The following PLIN5 variants were observed in gnomAD, a reference collection of about 807,000 sequenced individuals.
PLIN5 encodes perilipin-5.
A neutral mutation model predicts 32.8 loss-of-function variants in PLIN5; 34 were observed. The observed-to-expected ratio is 1.04, with a 90% confidence interval of 0.79 to 1.38. PLIN5 has a LOEUF of 1.38. Among genes scored for constraint, PLIN5 ranks in the 40% most tolerant of loss-of-function variants. PLIN5 has a pLI of 0.00. For missense variants in PLIN5, 712 were observed against 660.5 expected (o/e 1.08, Z -0.85); for synonymous variants, 309 against 292.9 (o/e 1.05, Z -0.56).
At chr19:4,529,604 T>G in intron 4 of PLIN5, 180 bp downstream of exon 4, 2 of 449,350 alleles carry the variant, frequency 4.5e-6, no homozygotes, top group Non-Finnish European at 8.0e-6. Context: ...TATATACATA[T>G]ATGTATACAC....
intron 3 of PLIN5, 73 bp from the exon 4 acceptor site, chr19:4,529,939 A>G (rs552215933): frequency 7.5e-6 from 7 of 939,518 alleles, no homozygotes; most frequent in Middle Eastern, 2.9e-4. Context: ...AGAGTTGTAG[A>G]AGGAGGGAAT....
intron 5 of PLIN5, among the ~76,000 whole-genome samples, chr19:4,527,998 C>T (rs1177222778): frequency 6.6e-6 from 1 of 151,866 alleles, no homozygotes; most frequent in Non-Finnish European, 1.5e-5. Context: ...CAAGCTCCAC[C>T]CCCCGGGTTC....
chr19:4,533,554 G>C (rs1430714912), intron 2 of PLIN5: 1 of 219,188 alleles, frequency 4.6e-6, no homozygotes, highest in Non-Finnish European at 8.9e-6. Context: ...GTGTGAACTT[G>C]GGCAAGCCAC....
At chr19:4,527,722 G>C (rs929373863) in intron 5 of PLIN5, among the ~76,000 whole-genome samples, 2 of 150,706 alleles carry the variant, frequency 1.3e-5, no homozygotes, top group African/African-American at 4.9e-5. Flanking sequence ...GTGGGTGCCT[G>C]TAATCCCAGC....
At chr19:4,533,303 C>G (rs1396515783) in intron 2 of PLIN5, 1 of 152,240 alleles carries the variant, frequency 6.6e-6, no homozygotes, top group Non-Finnish European at 1.5e-5. Context: ...ACCAAGTTAG[C>G]CAGGCTGGTC....
In PLIN5 at chr19:4,529,360, G is replaced by A. The variant is rs766574903; in HGVS notation, c.340-107C>T. ...TCAAAGATCCCTGGACTTCTACCTG[G>A]CTCCGTGCCTCAGTTTCCCCTATAA... On this transcript the variant is annotated intron_variant, in intron 4 of 7. Coordinates refer to ENST00000381848, the MANE Select transcript of PLIN5 (RefSeq NM_001013706.3). The A allele has an allele frequency of 6.8e-5, 86 of 1,261,316 alleles. No individual in the cohort carries two copies. In the Middle Eastern group the frequency reaches 8.3e-4, roughly 12 times the overall value. 78.1% of individuals were successfully genotyped at this position (1,261,316 alleles called of 1,614,324 possible). A position where few individuals can be genotyped will look rare whatever the true frequency, so the allele number is the denominator to read the frequency against.
In PLIN5 at chr19:4,523,921, G is replaced by T; in HGVS notation, c.999C>A (p.Ala333=). The T allele has an allele frequency of 4.6e-6, 7 of 1,528,880 alleles. No individual in the cohort carries two copies. Among genetic ancestry groups the T allele is most frequent in the Non-Finnish European group, 6.1e-6 (7 of 1,146,660 alleles). 94.7% of individuals were successfully genotyped at this position (1,528,880 alleles called of 1,614,324 possible). Reference sequence around the variant, plus strand: ...CCGCTGGCACGTCCCTGAAGCAGCGGGCATCAGCGAAGGCGGTCTGCAGGG... The same window carrying T: ...CCGCTGGCACGTCCCTGAAGCAGCGTGCATCAGCGAAGGCGGTCTGCAGGG... ...VDALQTAFAD[A]RCFRDVPAAA... Residue 333 remains alanine, a synonymous_variant, in exon 8 of 8, where the codon GCC becomes GCA. Coordinates refer to ENST00000381848, the MANE Select transcript of PLIN5 (RefSeq NM_001013706.3). This position sits in a 1 kb window ranked among gnomAD's most constrained non-coding sequence, Gnocchi z 5.0.
intron 5 of PLIN5, 149 bp downstream of exon 5, chr19:4,528,924 G>C: frequency 1.2e-6 from 1 of 824,336 alleles, no homozygotes; most frequent in Non-Finnish European, 1.8e-6. Flanking sequence ...GGAAGTGACC[G>C]GGAGGGAGGA....
In PLIN5 at chr19:4,523,461, C is replaced by T. The variant is rs1976755681; in HGVS notation, c.*67G>A. On this transcript the variant is annotated 3_prime_UTR_variant, in exon 8 of 8. Transcript: ENST00000381848. This position sits in a 1 kb window ranked among gnomAD's most constrained non-coding sequence, Gnocchi z 5.0. ...CCAAGGCCTCGAGCTTACGTGTGGC[C>T]ACCAGGGGGCAGCAGGGATCGGGGT... 11 of 1,481,628 alleles carry T rather than the reference C, an allele frequency of 7.4e-6. No individual in the cohort carries two copies. Among genetic ancestry groups the T allele is most frequent in the Non-Finnish European group, 9.9e-6 (11 of 1,111,456 alleles). 91.8% of individuals were successfully genotyped at this position (1,481,628 alleles called of 1,614,324 possible). A position where few individuals can be genotyped will look rare whatever the true frequency, so the allele number is the denominator to read the frequency against.
At chr19:4,524,841 G>T in intron 7 of PLIN5, 122 bp downstream of exon 7, 2 of 711,344 alleles carry the variant, frequency 2.8e-6, no homozygotes, top group African/African-American at 1.9e-5. Flanking sequence ...CTCAGCACTT[G>T]GTTTGAGATA....
At chr19:4,526,069 C>G (rs1976799756) in intron 5 of PLIN5, among the ~76,000 whole-genome samples, 1 of 152,128 alleles carries the variant, frequency 6.6e-6, no homozygotes, top group Non-Finnish European at 1.5e-5. Flanking sequence ...TGACATCAAC[C>G]CATTTGGTCT....
intron 2 of PLIN5, 50 bp downstream of exon 2, chr19:4,533,965 G>T: frequency 1.3e-6 from 2 of 1,585,948 alleles, no homozygotes; most frequent in East Asian, 2.3e-5. Flanking sequence ...AGAAGGGACT[G>T]TCCCACACAA....
intron 2 of PLIN5, chr19:4,532,903 A>C (rs1462737688): frequency 6.6e-6 from 1 of 152,146 alleles, no homozygotes; most frequent in East Asian, 1.9e-4. Flanking sequence ...TCCTGGCTCA[A>C]GCGATCCTCC....
At chr19:4,534,187 TG>T (rs917133283) in intron 1 of PLIN5, 92 bp from the exon 2 acceptor site, 14 of 1,073,780 alleles carry the variant, frequency 1.3e-5, no homozygotes, top group Non-Finnish European at 1.7e-5. Context: ...TCAAACCTCT[TG>T]GGGCCTCAGT....
chr19:4,533,866 C>T, intron 2 of PLIN5, 149 bp downstream of exon 2: 1 of 868,126 alleles, frequency 1.2e-6, no homozygotes, highest in Non-Finnish European at 1.8e-6. Flanking sequence ...GGAAATAGAC[C>T]ATCCCCTCCA....
rs1250260828 is a variant in PLIN5, at chr19:4,529,856, C to A, written c.267G>T (p.Met89Ile). The stretch of plus-strand genomic sequence containing the variant: ...CCAGGCCCCTGCAGGCGAGGCTGTT[C>A]ATAGTGGCCACTGAAGGGAGAGAGG... ...LEHLQPQLAT[M>I]NSLACRGLDK... Residue 89 changes from methionine (M) to isoleucine (I), a missense_variant, in exon 4 of 8, where the codon ATG (methionine) becomes ATT (isoleucine). Transcript: ENST00000381848. 2.5e-6 allele frequency: 4 copies of A among 1,602,760 alleles called. No individual in the cohort carries two copies. The highest frequency in any genetic ancestry group is 1.1e-5 in the South Asian group (1 of 90,290).
rs764473017 is a variant in PLIN5 at position 4,525,003 on chromosome 19, TC to T, written c.793del (p.Glu265AsnfsTer26). 5.9e-6 allele frequency: 9 copies of T among 1,515,186 alleles called. No homozygotes were observed. The highest frequency in any genetic ancestry group is 4.3e-5 in the Admixed American group (2 of 46,472). The allele number at this position is 1,515,186 out of a possible 1,614,324, so 93.9% of individuals were successfully genotyped here. A position where few individuals can be genotyped will look rare whatever the true frequency, so the allele number is the denominator to read the frequency against. On this transcript the variant is annotated frameshift_variant, in exon 7 of 8. Coordinates refer to ENST00000381848, the MANE Select transcript of PLIN5 (RefSeq NM_001013706.3). LOFTEE classifies it low-confidence loss of function (END_TRUNC). The surrounding 1 kb of genome is among the most constrained non-coding windows in gnomAD (Gnocchi z 5.6). Reference sequence around the variant, plus strand: ...GCTCTCCGGAGGGCGCTGGCCCCATTCCCCCCACAGCTCGTGCACCTTCCCA... The same window carrying T: ...GCTCTCCGGAGGGCGCTGGCCCCATTCCCCCACAGCTCGTGCACCTTCCCA... ...CPGKVHELWG[E>X]WGQRPPESRR... is the part of the protein sequence containing the mutation.
chr19:4,525,492 C>T lies in PLIN5; in HGVS notation c.720+141G>A, dbSNP rs1976788827. On this transcript the variant is annotated intron_variant, in intron 6 of 7. Transcript: ENST00000381848. The surrounding 1 kb of genome is among the most constrained non-coding windows in gnomAD (Gnocchi z 5.6). Reference sequence around the variant, plus strand: ...GCTCCTCCAGGCCCGGGTCCCCCAGCCCTGAACACATGCAGCTGGAGACAG... The same window carrying T: ...GCTCCTCCAGGCCCGGGTCCCCCAGTCCTGAACACATGCAGCTGGAGACAG... The T allele has an allele frequency of 9.4e-7, 1 of 1,059,970 alleles. No homozygotes were observed. The highest frequency in any genetic ancestry group is 2.6e-5 in the East Asian group (1 of 38,444). 65.7% of individuals were successfully genotyped at this position (1,059,970 alleles called of 1,614,324 possible). A position where few individuals can be genotyped will look rare whatever the true frequency, so the allele number is the denominator to read the frequency against.
intron 4 of PLIN5, 73 bp downstream of exon 4, chr19:4,529,711 A>C: frequency 8.6e-7 from 1 of 1,159,788 alleles, no homozygotes; most frequent in Non-Finnish European, 1.3e-6. Flanking sequence ...GGTTGTCACC[A>C]TCCCTCCCTC....
Sources: gnomAD v4.1 joint callset for allele counts (sites outside exome capture counted in the v4.1 genomes callset) on GRCh38, gnomAD v4.1.1 for gene constraint, Gnocchi (gnomAD v3.1) non-coding constraint, MANE v1.5 for transcripts, NCBI Gene and HGNC (gene_info 2026-07-23, HGNC 2026-07-21) for gene names.